AK5: variants seen among roughly 807,000 people sequenced by gnomAD.
AK5 encodes the protein adenylate kinase 5.
A neutral mutation model predicts 69.5 loss-of-function variants in AK5; 27 were observed. The observed-to-expected ratio is 0.39, with a 90% confidence interval of 0.29 to 0.54. The LOEUF is 0.54. Among genes scored for constraint, AK5 ranks in the 20% least tolerant of loss-of-function variants. The pLI is 0.71. For synonymous variants in AK5, 260 were observed against 244.4 expected (o/e 1.06, Z -0.60); for missense variants, 531 against 700.4 (o/e 0.76, Z 2.73).
chr1:77,523,092 A>C (rs562748143), intron 12 of AK5, among the ~76,000 whole-genome samples: 2 of 152,132 alleles, frequency 1.3e-5, no homozygotes, highest in Non-Finnish European at 2.9e-5. Flanking sequence ...GAGGTGAATT[A>C]TACTTGTGTG....
At chr1:77,377,869 C>T (rs1416774518) in intron 6 of AK5, among the ~76,000 whole-genome samples, 2 of 152,064 alleles carry the variant, frequency 1.3e-5, no homozygotes, top group African/African-American at 4.8e-5. Flanking sequence ...TGCCTTTTCC[C>T]CTAGGAGAAT....
intron 5 of AK5, among the ~76,000 whole-genome samples, chr1:77,324,736 G>C (rs1660707876): frequency 6.6e-6 from 1 of 151,880 alleles, no homozygotes; most frequent in Non-Finnish European, 1.5e-5. Flanking sequence ...CTGGAAGTAG[G>C]GTTGTAGTTA....
chr1:77,410,130 T>C (rs555031180), intron 6 of AK5, among the ~76,000 whole-genome samples: 4 of 152,108 alleles, frequency 2.6e-5, no homozygotes, highest in Admixed American at 6.5e-5. Flanking sequence ...CATTTTAAAA[T>C]ATTTAAAATT....
chr1:77,340,085 A>C (rs1300448018), intron 5 of AK5, among the ~76,000 whole-genome samples: 1 of 152,200 alleles, frequency 6.6e-6, no homozygotes, highest in Admixed American at 6.5e-5. Context: ...TTTTTAGCAA[A>C]GTTTGGCTGA....
intron 5 of AK5, among the ~76,000 whole-genome samples, chr1:77,300,805 C>CA (rs1659299632): frequency 6.6e-6 from 1 of 152,198 alleles, no homozygotes; most frequent in South Asian, 2.1e-4. Context: ...GTTTCCATAA[C>CA]ACTCTCCACA....
chr1:77,460,064 T>A (rs1007992491), intron 8 of AK5, among the ~76,000 whole-genome samples: 1 of 152,204 alleles, frequency 6.6e-6, no homozygotes, highest in Non-Finnish European at 1.5e-5. Context: ...CTCAGAGATA[T>A]GACACACTTC....
chr1:77,422,685 G>A (rs546578984), intron 8 of AK5, among the ~76,000 whole-genome samples: 6 of 152,220 alleles, frequency 3.9e-5, no homozygotes, highest in South Asian at 2.1e-4. Context: ...CAGGGGGCCC[G>A]TGATACTCTG....
chr1:77,533,509 CAAAAAAAAAA>C (rs10526328), intron 12 of AK5, among the ~76,000 whole-genome samples: 30 of 94,974 alleles, frequency 3.2e-4, no homozygotes, highest in African/African-American at 1.4e-3. Flanking sequence ...ACTCTGTCAC[CAAAAAAAAAA>C]AAAAAAAAAA....
chr1:77,455,551 G>A (rs1490675805), intron 8 of AK5, among the ~76,000 whole-genome samples: 2 of 152,130 alleles, frequency 1.3e-5, no homozygotes, highest in Non-Finnish European at 2.9e-5. Context: ...AAAAAAACAG[G>A]CCCTCACCAG....
intron 10 of AK5, among the ~76,000 whole-genome samples, chr1:77,505,768 T>C (rs2100275154): frequency 6.6e-6 from 1 of 151,208 alleles, no homozygotes; most frequent in Admixed American, 6.6e-5. Context: ...GCATGCTGCA[T>C]ACCTGTAATC....
intron 6 of AK5, among the ~76,000 whole-genome samples, chr1:77,384,149 C>T (rs2100509637): frequency 6.6e-6 from 1 of 152,160 alleles, no homozygotes; most frequent in South Asian, 2.1e-4. Flanking sequence ...GGCTGTTAAT[C>T]AGGGAAATAT....
chr1:77,507,799 A>G (rs1308134923), intron 10 of AK5, among the ~76,000 whole-genome samples: 1 of 152,244 alleles, frequency 6.6e-6, no homozygotes, highest in African/African-American at 2.4e-5. Context: ...CCTTCCTTAG[A>G]TTATCTAATC....
At chr1:77,518,455 A>G (rs2100310085) in intron 10 of AK5, 109 bp from the exon 11 acceptor site, 1 of 1,170,360 alleles carries the variant, frequency 8.5e-7, no homozygotes, top group Non-Finnish European at 1.2e-6. Flanking sequence ...TCAAGTTCCC[A>G]ATACATGCTT....
rs754399045 is a variant in AK5 at position 77,340,617 on chromosome 1, A to T, written c.891+49A>T. 5 of 1,545,350 alleles carry T rather than the reference A, an allele frequency of 3.2e-6. No homozygotes were observed. The Admixed American group carries it at 8.7e-5, about 27-fold the overall frequency. On this transcript the variant is annotated intron_variant, in intron 6 of 13. Coordinates refer to ENST00000354567, the MANE Select transcript of AK5 (RefSeq NM_174858.3). ...GTCCAATACAAGAGCGCTCTTTCAG[A>T]TTTCTCATTAGCCCATGTTCTCATG... is the stretch of plus-strand genomic sequence containing the variant.
At chr1:77,526,110 G>A (rs895867575) in intron 12 of AK5, among the ~76,000 whole-genome samples, 2 of 152,116 alleles carry the variant, frequency 1.3e-5, no homozygotes, top group Admixed American at 6.5e-5. Context: ...TCTAGCCAAC[G>A]TCTAGGCTGT....
intron 6 of AK5, among the ~76,000 whole-genome samples, chr1:77,402,139 C>G (rs17098286): frequency 0.099 from 15,000 of 152,144 alleles, 893 homozygotes; most frequent in East Asian, 0.2. Context: ...TTATATCTCC[C>G]TGGATCCTTT....
intron 6 of AK5, among the ~76,000 whole-genome samples, chr1:77,359,863 T>C (rs1043069679): frequency 1.3e-5 from 2 of 152,188 alleles, no homozygotes; most frequent in Admixed American, 1.3e-4. Context: ...ACCAGGAATA[T>C]AAAATATCAG....
intron 7 of AK5, among the ~76,000 whole-genome samples, chr1:77,413,341 C>T (rs554899275): frequency 6.6e-6 from 1 of 152,302 alleles, no homozygotes; most frequent in East Asian, 1.9e-4. Flanking sequence ...CCAGATTCTA[C>T]TTTGCGCCTC....
At chr1:77,388,734 G>A (rs1648206212) in intron 6 of AK5, among the ~76,000 whole-genome samples, 1 of 146,394 alleles carries the variant, frequency 6.8e-6, no homozygotes, top group Admixed American at 6.9e-5. Context: ...AATGTGGGAA[G>A]CATAAGCTCT....
Sources: gnomAD v4.1 joint callset for allele counts (sites outside exome capture counted in the v4.1 genomes callset) on GRCh38, gnomAD v4.1.1 for gene constraint, MANE v1.5 for transcripts, NCBI Gene and HGNC (gene_info 2026-07-23, HGNC 2026-07-21) for gene names.